DOK6: variants seen among roughly 807,000 people sequenced by gnomAD.
The protein encoded by DOK6 is docking protein 6, also known as downstream of tyrosine kinase 6.
A neutral mutation model predicts 44.0 loss-of-function variants in DOK6; 22 were observed. The ratio of observed to expected loss-of-function variants is 0.50; its 90% CI spans 0.36 to 0.71. DOK6 has a LOEUF of 0.71. DOK6 is among the 30% of genes least tolerant of loss of function. The pLI is 0.00. For missense variants in DOK6, 340 were observed against 416.4 expected, an observed-to-expected ratio of 0.82 and a Z score of 1.60; for synonymous variants, 166 against 145.5, an observed-to-expected ratio of 1.14 and a Z score of -1.01.
chr18:69,599,558 C>T lies in DOK6; in HGVS notation c.289+60C>T. 23 of 1,391,134 alleles carry T rather than the reference C, an allele frequency of 1.7e-5. No homozygotes were observed. The South Asian group carries it at 2.8e-4, about 17-fold the overall frequency. The allele number at this position is 1,391,134 out of a possible 1,614,324, so 86.2% of individuals were successfully genotyped here. ...ATTGAGCTGCTTGTGAGACAATGGCCCAGGCGGATTAAGGTACACTATTGA... is the reference window on the plus strand; with the variant it reads ...ATTGAGCTGCTTGTGAGACAATGGCTCAGGCGGATTAAGGTACACTATTGA... On this transcript the variant is annotated intron_variant, in intron 3 of 7. Coordinates refer to ENST00000382713, the MANE Select transcript of DOK6 (RefSeq NM_152721.6).
chr18:69,737,520 G>C (rs1978651207), intron 5 of DOK6, among the ~76,000 whole-genome samples: 1 of 152,132 alleles, frequency 6.6e-6, no homozygotes, highest in Admixed American at 6.5e-5. Flanking sequence ...GGGACACAGA[G>C]CCAAACCCTA....
At chr18:69,638,483 T>C (rs1984861600) in intron 3 of DOK6, among the ~76,000 whole-genome samples, 1 of 33,068 alleles carries the variant, frequency 3.0e-5, no homozygotes, top group African/African-American at 5.0e-5. Flanking sequence ...TTGGGTATAC[T>C]TATTCTTTTT....
intron 4 of DOK6, among the ~76,000 whole-genome samples, chr18:69,690,499 G>T (rs777532948): frequency 4.1e-4 from 62 of 152,158 alleles, no homozygotes; most frequent in Non-Finnish European, 7.8e-4. Flanking sequence ...TTCTAAAGCT[G>T]CTAGAATTGA....
intron 7 of DOK6, among the ~76,000 whole-genome samples, chr18:69,823,013 T>C (rs1004941522): frequency 3.9e-5 from 6 of 152,236 alleles, no homozygotes; most frequent in African/African-American, 1.4e-4. Flanking sequence ...TAAAATACTT[T>C]GATTCAACAG....
chr18:69,488,059 G>C (rs988740052), intron 1 of DOK6, among the ~76,000 whole-genome samples: 3 of 152,096 alleles, frequency 2.0e-5, no homozygotes, highest in African/African-American at 7.2e-5. Flanking sequence ...CAAGATCAAG[G>C]TGCTGGCCAG....
intron 7 of DOK6, among the ~76,000 whole-genome samples, chr18:69,759,501 A>G (rs1213981841): frequency 1.3e-5 from 2 of 152,160 alleles, no homozygotes; most frequent in Non-Finnish European, 2.9e-5. Flanking sequence ...AAGTAGTATA[A>G]TAACTCTAGT....
At chr18:69,584,073 A>G (rs187056765) in intron 2 of DOK6, among the ~76,000 whole-genome samples, 1 of 144,300 alleles carries the variant, frequency 6.9e-6, no homozygotes, top group African/African-American at 2.6e-5. Context: ...GCGCCACTGC[A>G]CTCCAGCCTG....
chr18:69,563,740 A>C (rs765184121), intron 1 of DOK6, among the ~76,000 whole-genome samples: 5 of 151,966 alleles, frequency 3.3e-5, no homozygotes, highest in Non-Finnish European at 5.9e-5. Context: ...AACATGGCAC[A>C]TGTATACATA....
chr18:69,661,894 A>G (rs1482267046), intron 3 of DOK6: 1 of 152,210 alleles, frequency 6.6e-6, no homozygotes, highest in Non-Finnish European at 1.5e-5. Flanking sequence ...GGAGCCCTGA[A>G]CTGTACCCAG....
intron 6 of DOK6, among the ~76,000 whole-genome samples, chr18:69,747,867 A>C (rs1329058905): frequency 1.3e-5 from 2 of 152,184 alleles, no homozygotes; most frequent in African/African-American, 4.8e-5. Context: ...AAGGTGACTC[A>C]GAAGAAGTGA....
chr18:69,514,046 A>T (rs1336679094), intron 1 of DOK6, among the ~76,000 whole-genome samples: 1 of 152,132 alleles, frequency 6.6e-6, no homozygotes, highest in Non-Finnish European at 1.5e-5. Context: ...ACAATAATTC[A>T]AAAATCAATA....
chr18:69,641,645 T>C (rs1984944933), intron 3 of DOK6, among the ~76,000 whole-genome samples: 1 of 152,234 alleles, frequency 6.6e-6, no homozygotes, highest in South Asian at 2.1e-4. Flanking sequence ...CTAATTGCAT[T>C]GCTTGAGAAT....
chr18:69,475,187 C>G (rs1186044497), intron 1 of DOK6, among the ~76,000 whole-genome samples: 1 of 152,008 alleles, frequency 6.6e-6, no homozygotes, highest in Admixed American at 6.6e-5. Flanking sequence ...ATAACATATT[C>G]CACCATATTG....
At chr18:69,786,097 A>C (rs1980420058) in intron 7 of DOK6, among the ~76,000 whole-genome samples, 1 of 152,158 alleles carries the variant, frequency 6.6e-6, no homozygotes, top group African/African-American at 2.4e-5. Flanking sequence ...CTTATGAGGA[A>C]GGGGAAAAAA....
chr18:69,465,607 T>A (rs1172038202), intron 1 of DOK6, among the ~76,000 whole-genome samples: 1 of 152,184 alleles, frequency 6.6e-6, no homozygotes, highest in Non-Finnish European at 1.5e-5. Context: ...ATTTCCAATT[T>A]CATCCATGTC....
intron 4 of DOK6, among the ~76,000 whole-genome samples, chr18:69,686,468 C>G (rs1370756368): frequency 6.6e-6 from 1 of 152,092 alleles, no homozygotes; most frequent in African/African-American, 2.4e-5. Flanking sequence ...CTATAAAGCT[C>G]CACATTTTTC....
At chr18:69,439,240 T>G (rs1979071076) in intron 1 of DOK6, among the ~76,000 whole-genome samples, 1 of 152,230 alleles carries the variant, frequency 6.6e-6, no homozygotes, top group South Asian at 2.1e-4. Context: ...AGATATGCTG[T>G]CATCCAGGCT....
At chr18:69,516,860 T>C (rs1364696065) in intron 1 of DOK6, among the ~76,000 whole-genome samples, 1 of 135,944 alleles carries the variant, frequency 7.4e-6, no homozygotes. Flanking sequence ...TTTTTTTTTC[T>C]AGTGAAGACG....
At chr18:69,502,859 A>G (rs974919233) in intron 1 of DOK6, among the ~76,000 whole-genome samples, 1 of 152,120 alleles carries the variant, frequency 6.6e-6, no homozygotes, top group Non-Finnish European at 1.5e-5. Context: ...TGACTGAACT[A>G]TTTAAAGATA....
Sources: allele counts gnomAD v4.1 joint callset (sites outside exome capture counted in the v4.1 genomes callset), GRCh38; gene constraint gnomAD v4.1.1; transcripts MANE v1.5; gene names NCBI Gene and HGNC (gene_info 2026-07-23, HGNC 2026-07-21).